The following CACNA1C variants were observed in gnomAD, a reference collection of about 807,000 sequenced individuals.
CACNA1C encodes the protein calcium voltage-gated channel subunit alpha1 C, also known as voltage-dependent L-type calcium channel subunit alpha-1C.
CACNA1C carries 30 observed loss-of-function variants against 229.0 expected under a neutral mutation model. That is an observed-to-expected ratio of 0.13 (90% CI 0.10 to 0.18). The LOEUF (loss-of-function observed/expected upper bound fraction) is 0.18, where lower values mean the gene tolerates loss of function less well. Ranked by LOEUF, CACNA1C falls within the 10% of genes least tolerant of loss-of-function variation. The pLI, the probability that CACNA1C is intolerant of heterozygous loss-of-function variation, is 1.00. For missense variants in CACNA1C, 1,658 were observed against 2,845.0 expected (o/e 0.58, Z 9.49); for synonymous variants, 1,114 against 1,132.5 (o/e 0.98, Z 0.33).
At chr12:2,682,430 G>C in intron 42 of CACNA1C, 120 bp from the exon 43 acceptor site, 1 of 1,174,548 alleles carries the variant, frequency 8.5e-7, no homozygotes, top group Non-Finnish European at 1.2e-6. Context: ...ACGTGTGTGT[G>C]CTTGTGTTTG....
intron 3 of CACNA1C, among the ~76,000 whole-genome samples, chr12:2,230,372 A>G (rs1023620539): frequency 6.6e-6 from 1 of 152,166 alleles, no homozygotes; most frequent in Non-Finnish European, 1.5e-5. Context: ...GTGAGGAGCA[A>G]TGGCGGTCCC....
At chr12:2,680,313 T>C (rs1436218311) in intron 42 of CACNA1C, 1 of 1,360,110 alleles carries the variant, frequency 7.4e-7, no homozygotes, top group Admixed American at 2.1e-5. Flanking sequence ...ACTGTACCTC[T>C]TACTCCTGAC....
rs2153799830 is a variant in CACNA1C at position 2,679,035 on chromosome 12, T to C, written c.5092-409T>C. 6.6e-6 allele frequency among the ~76,000 whole-genome samples: 1 copy of C among 152,266 alleles called. No homozygotes were observed. The highest frequency in any genetic ancestry group is 2.1e-4 in the South Asian group (1 of 4,818). ...AATCTGGTTAGAATCTTCTGGTCGC[T>C]CTCCCAGCCCCCGCCCTCACGGTGT... On this transcript the variant is annotated intron_variant, in intron 41 of 46. Transcript: ENST00000399655. The surrounding 1 kb of genome is among the most constrained non-coding windows in gnomAD (Gnocchi z 5.5).
At chr12:2,192,517 A>G (rs1235810184) in intron 3 of CACNA1C, among the ~76,000 whole-genome samples, 3 of 152,232 alleles carry the variant, frequency 2.0e-5, no homozygotes, top group Non-Finnish European at 2.9e-5. Flanking sequence ...TCCATTTCCC[A>G]TGCTTTGAAG....
At chr12:2,461,223 C>T (rs1358861041) in intron 5 of CACNA1C, among the ~76,000 whole-genome samples, 3 of 152,236 alleles carry the variant, frequency 2.0e-5, no homozygotes, top group Non-Finnish European at 4.4e-5. Context: ...GTGCTCTGTC[C>T]TCCAGGGCCA....
intron 9 of CACNA1C, among the ~76,000 whole-genome samples, chr12:2,538,917 G>A (rs1255508592): frequency 6.6e-6 from 1 of 152,158 alleles, no homozygotes; most frequent in African/African-American, 2.4e-5. Flanking sequence ...TCTGCGGTGG[G>A]GCTGGAGCAA....
chr12:2,120,949 G>A (rs1409234617), intron 3 of CACNA1C, among the ~76,000 whole-genome samples: 3 of 152,142 alleles, frequency 2.0e-5, no homozygotes, highest in Non-Finnish European at 2.9e-5. Context: ...ATTGGGAAAG[G>A]CGGCTTTCCA....
chr12:2,354,223 C>T lies in CACNA1C; in HGVS notation c.478-94753C>T, dbSNP rs150485204. 1.8e-4 allele frequency among the ~76,000 whole-genome samples: 28 copies of T among 152,260 alleles called. No homozygotes were observed. In the East Asian group the frequency reaches 4.8e-3, roughly 26 times the overall value. On this transcript the variant is annotated intron_variant, in intron 3 of 46. Coordinates refer to ENST00000399655, the MANE Select transcript of CACNA1C (RefSeq NM_000719.7). This position sits in a 1 kb window ranked among gnomAD's most constrained non-coding sequence, Gnocchi z 4.6. The stretch of plus-strand genomic sequence containing the variant: ...GTGGGCCCCGCACAGTTAGGCTGCC[C>T]GAGTCCCTCTGTCCTCGCACCCTCA...
chr12:2,042,942 C>T (rs190246977), intron 1 of CACNA1C, among the ~76,000 whole-genome samples: 19 of 152,250 alleles, frequency 1.2e-4, no homozygotes, highest in African/African-American at 4.6e-4. Context: ...TAAATACAAG[C>T]ATAAATATGC....
rs1196369982 is a variant in CACNA1C, at chr12:2,001,162, A to T, written c.139+29961A>T. ...AAAATATACATTTCTGTTCTATTACAGCTGCCCAAATTCACGCATTTTCCT... is the reference window on the plus strand; with the variant it reads ...AAAATATACATTTCTGTTCTATTACTGCTGCCCAAATTCACGCATTTTCCT... On this transcript the variant is annotated intron_variant, in intron 1 of 46. Transcript: ENST00000682462. 2.0e-5 allele frequency among the ~76,000 whole-genome samples: 3 copies of T among 152,204 alleles called. No individual in the cohort carries two copies. In the East Asian group the frequency reaches 5.8e-4, roughly 29 times the overall value.
intron 3 of CACNA1C, among the ~76,000 whole-genome samples, chr12:2,331,303 C>T (rs945511787): frequency 1.3e-5 from 2 of 152,084 alleles, no homozygotes; most frequent in African/African-American, 2.4e-5. Context: ...TATCCCAACT[C>T]GAGAGCTGCT....
intron 9 of CACNA1C, among the ~76,000 whole-genome samples, chr12:2,542,260 CATG>C (rs1299961450): frequency 8.5e-5 from 13 of 152,234 alleles, no homozygotes; most frequent in African/African-American, 3.1e-4. Context: ...ATGCTGGCCT[CATG>C]GTGGCTAAAT....
chr12:2,117,090 G>A (rs2084261708), intron 2 of CACNA1C, among the ~76,000 whole-genome samples: 3 of 152,194 alleles, frequency 2.0e-5, no homozygotes, highest in African/African-American at 7.2e-5. Flanking sequence ...CCAACATGAG[G>A]TGAAACCTTA....
intron 1 of CACNA1C, among the ~76,000 whole-genome samples, chr12:1,998,235 T>C (rs945718447): frequency 6.6e-6 from 1 of 152,228 alleles, no homozygotes; most frequent in African/African-American, 2.4e-5. Flanking sequence ...AATACAGGGA[T>C]AGCAGCATAC....
At chr12:2,277,033 A>T (rs555323362) in intron 3 of CACNA1C, among the ~76,000 whole-genome samples, 1 of 152,266 alleles carries the variant, frequency 6.6e-6, no homozygotes, top group African/African-American at 2.4e-5. Flanking sequence ...AAAAAAGATG[A>T]TGGCATTGAG....
chr12:1,992,935 T>C, intron 1 of CACNA1C: 1 of 583,290 alleles, frequency 1.7e-6, no homozygotes, highest in Non-Finnish European at 3.0e-6. Context: ...CCTATGTGTG[T>C]GTCTCTGCAG....
In CACNA1C at chr12:2,053,469, C is replaced by T. The variant is rs1485413001; in HGVS notation, c.-94C>T. 6.7e-7 allele frequency: 1 copy of T among 1,496,190 alleles called. No individual in the cohort carries two copies. Among genetic ancestry groups the T allele is most frequent in the African/African-American group, 1.4e-5 (1 of 71,000 alleles). The allele number at this position is 1,496,190 out of a possible 1,614,324, so 92.7% of individuals were successfully genotyped here. A position where few individuals can be genotyped will look rare whatever the true frequency, so the allele number is the denominator to read the frequency against. On this transcript the variant is annotated 5_prime_UTR_variant, in exon 1 of 47. Transcript: ENST00000399655. This position sits in a 1 kb window ranked among gnomAD's most constrained non-coding sequence, Gnocchi z 5.8. ...TCGAATCTTGCGCGAAAGCCGCCGGCCTCGGAGGAGGGATTAATCCAGACC... is the reference window on the plus strand; with the variant it reads ...TCGAATCTTGCGCGAAAGCCGCCGGTCTCGGAGGAGGGATTAATCCAGACC...
chr12:2,640,646 A>G (rs2238095), intron 30 of CACNA1C, among the ~76,000 whole-genome samples: 95,931 of 152,060 alleles, frequency 0.63, 32,302 homozygotes, highest in Admixed American at 0.73. Context: ...GGCAGGGCAG[A>G]GAGTGTCCAG....
In CACNA1C at chr12:2,295,258, G is replaced by C. The variant is rs3829330; in HGVS notation, c.478-153718G>C. On this transcript the variant is annotated intron_variant, in intron 3 of 46. Transcript: ENST00000399655. ...AGGAGTCCTCCCATATGGTCAAGCA[G>C]ATGAATTCCTTGTTTCTTATTCATG... 1.2e-3 allele frequency among the ~76,000 whole-genome samples: 187 copies of C among 152,294 alleles called. 1 individual carries two copies. The East Asian group carries it at 0.031, about 25-fold the overall frequency.
Sources: allele counts gnomAD v4.1 joint callset (sites outside exome capture counted in the v4.1 genomes callset), GRCh38; gene constraint gnomAD v4.1.1; non-coding constraint Gnocchi (gnomAD v3.1); transcripts MANE v1.5; gene names NCBI Gene and HGNC (gene_info 2026-07-23, HGNC 2026-07-21).